Variants in PCBP3 observed in about 807,000 individuals in gnomAD.
The protein encoded by PCBP3 is poly(rC) binding protein 3.
In PCBP3, 25 loss-of-function variants were observed where a neutral mutation model predicts 52.7. The ratio of observed to expected loss-of-function variants is 0.47; its 90% CI spans 0.35 to 0.66. The LOEUF is 0.66. Ranked by LOEUF, PCBP3 falls within the 30% of genes least tolerant of loss-of-function variation. The pLI is 0.01. For synonymous variants in PCBP3, 162 were observed against 183.0 expected (o/e 0.89, Z 0.93); for missense variants, 391 against 490.3 (o/e 0.80, Z 1.91).
In PCBP3 at chr21:45,917,690, A is replaced by G; in HGVS notation, c.717+61A>G. On this transcript the variant is annotated intron_variant, in intron 13 of 17. Coordinates refer to ENST00000681687, the MANE Select transcript of PCBP3 (RefSeq NM_001384156.1). This position sits in a 1 kb window ranked among gnomAD's most constrained non-coding sequence, Gnocchi z 5.3. ...TTCTCATGGTTGTTTACCTACCTGC[A>G]TGCTGCTGTTAATTGCTACTAACAT... The G allele has an allele frequency of 1.6e-6, 2 of 1,272,672 alleles. No homozygotes were observed. The highest frequency in any genetic ancestry group is 2.3e-6 in the Non-Finnish European group (2 of 868,520). 78.8% of individuals were successfully genotyped at this position (1,272,672 alleles called of 1,614,324 possible).
Position 45,817,934 on chromosome 21 carries a change from C to T in PCBP3, c.-125-32027C>T, listed in dbSNP as rs1446643272. Among the ~76,000 whole-genome samples, 2 of 152,162 alleles carry T rather than the reference C, an allele frequency of 1.3e-5. No individual in the cohort carries two copies. The highest frequency in any genetic ancestry group is 6.5e-5 in the Admixed American group (1 of 15,282). Reference sequence around the variant, plus strand: ...AGAAAAATTATTGGAAAGTATAGAGCGTGCCACCTCCTCCCCTCATACAGA... The same window carrying T: ...AGAAAAATTATTGGAAAGTATAGAGTGTGCCACCTCCTCCCCTCATACAGA... On this transcript the variant is annotated intron_variant, in intron 4 of 17. Coordinates refer to ENST00000681687, the MANE Select transcript of PCBP3 (RefSeq NM_001384156.1). This position sits in a 1 kb window ranked among gnomAD's most constrained non-coding sequence, Gnocchi z 4.3.
At chr21:45,646,109 G>GTCTCTCTCTCTCTCTC (rs2079292926) in intron 1 of PCBP3, among the ~76,000 whole-genome samples, 3 of 70,212 alleles carry the variant, frequency 4.3e-5, no homozygotes, top group South Asian at 4.3e-4. Context: ...CTCTCTCTCT[G>GTCTCTCTCTCTCTCTC]TGTGTGTGTG....
intron 5 of PCBP3, among the ~76,000 whole-genome samples, chr21:45,856,049 A>T (rs1005147514): frequency 1.3e-5 from 2 of 152,198 alleles, no homozygotes; most frequent in Non-Finnish European, 2.9e-5. Context: ...AAATATGTTT[A>T]TTTGCCATAT....
At chr21:45,687,938 A>G (rs1436802032) in intron 2 of PCBP3, among the ~76,000 whole-genome samples, 1 of 152,072 alleles carries the variant, frequency 6.6e-6, no homozygotes, top group Admixed American at 6.5e-5. Flanking sequence ...TCACAGTGTT[A>G]GCCAGGATGG....
rs1305187638 is a variant in PCBP3, at chr21:45,741,379, A to G, written c.-162+5950A>G. Among the ~76,000 whole-genome samples, 4 of 152,188 alleles carry G rather than the reference A, an allele frequency of 2.6e-5. No individual in the cohort carries two copies. The highest frequency in any genetic ancestry group is 5.9e-5 in the Non-Finnish European group (4 of 68,014). ...AGGTGTGGGTACCAGGTGCACAGCC[A>G]GCGAGGGGAGTCCTGGAAAGTGGGG... is the stretch of plus-strand genomic sequence containing the variant. On this transcript the variant is annotated intron_variant, in intron 3 of 17. Coordinates refer to ENST00000681687, the MANE Select transcript of PCBP3 (RefSeq NM_001384156.1). This position sits in a 1 kb window ranked among gnomAD's most constrained non-coding sequence, Gnocchi z 4.5.
chr21:45,838,718 T>C (rs2093640434), intron 4 of PCBP3, among the ~76,000 whole-genome samples: 1 of 152,220 alleles, frequency 6.6e-6, no homozygotes, highest in Non-Finnish European at 1.5e-5. Flanking sequence ...TTATGATTAA[T>C]GACTAAATTT....
intron 13 of PCBP3, among the ~76,000 whole-genome samples, chr21:45,921,689 C>A (rs1236453359): frequency 1.3e-5 from 2 of 152,186 alleles, no homozygotes; most frequent in African/African-American, 4.8e-5. Flanking sequence ...CGTGGTGGCA[C>A]ACGCCTGTAG....
intron 6 of PCBP3, among the ~76,000 whole-genome samples, chr21:45,898,893 C>T (rs2095937005): frequency 6.7e-6 from 1 of 150,252 alleles, no homozygotes; most frequent in Non-Finnish European, 1.5e-5. Flanking sequence ...CACAGCCTTC[C>T]TCTTTTTCCA....
At chr21:45,815,965 GTGAGTGA>G (rs1188364876) in intron 4 of PCBP3, among the ~76,000 whole-genome samples, 19 of 123,910 alleles carry the variant, frequency 1.5e-4, no homozygotes, top group Admixed American at 5.3e-4. Flanking sequence ...GTGGTGAGTA[GTGAGTGA>G]TGAGTGGTGA....
chr21:45,894,817 C>T (rs1003558827), intron 5 of PCBP3, among the ~76,000 whole-genome samples: 1 of 152,206 alleles, frequency 6.6e-6, no homozygotes, highest in Non-Finnish European at 1.5e-5. Context: ...TCTTCGGAGC[C>T]CTTTGTGCTA....
intron 2 of PCBP3, among the ~76,000 whole-genome samples, chr21:45,687,212 T>TGTC (rs2082206367): frequency 6.6e-6 from 1 of 152,200 alleles, no homozygotes; most frequent in Admixed American, 6.5e-5. Context: ...AAAGAAAGAC[T>TGTC]GTCAACCTAT....
Position 45,664,200 on chromosome 21 carries a change from C to A in PCBP3, c.-278-4674C>A, listed in dbSNP as rs573350747. On this transcript the variant is annotated intron_variant, in intron 1 of 17. Coordinates refer to ENST00000681687, the MANE Select transcript of PCBP3 (RefSeq NM_001384156.1). The stretch of plus-strand genomic sequence containing the variant: ...ATCCTAAAAGAAGTCAGAAAGAAAT[C>A]ACATATATACAGAATAATAATAATA... Among the ~76,000 whole-genome samples, 328 of 109,664 alleles carry A rather than the reference C, an allele frequency of 3.0e-3. 2 individuals carry two copies. Among genetic ancestry groups the A allele is most frequent in the African/African-American group, 0.011 (313 of 28,956 alleles). The allele number at this position is 109,664 out of a possible 152,430, so 71.9% of individuals were successfully genotyped here. A position where few individuals can be genotyped will look rare whatever the true frequency, so the allele number is the denominator to read the frequency against.
chr21:45,657,529 C>T (rs566400841), intron 1 of PCBP3, among the ~76,000 whole-genome samples: 3 of 152,234 alleles, frequency 2.0e-5, no homozygotes, highest in East Asian at 3.9e-4. Flanking sequence ...ATGCCAGCAG[C>T]ACACAGTCTT....
At chr21:45,838,575 A>C (rs901787894) in intron 4 of PCBP3, among the ~76,000 whole-genome samples, 10 of 152,292 alleles carry the variant, frequency 6.6e-5, no homozygotes, top group African/African-American at 2.4e-4. Context: ...TTTAAATCAT[A>C]TTTAAGATTA....
At chr21:45,731,309 G>A (rs775953282) in intron 2 of PCBP3, among the ~76,000 whole-genome samples, 1 of 152,186 alleles carries the variant, frequency 6.6e-6, no homozygotes, top group East Asian at 1.9e-4. Flanking sequence ...CCAAAGCAAC[G>A]CCTCCCTGAA....
intron 4 of PCBP3, among the ~76,000 whole-genome samples, chr21:45,809,523 C>T (rs534340606): frequency 1.3e-5 from 2 of 152,300 alleles, no homozygotes; most frequent in East Asian, 1.9e-4. Context: ...GCCTGTCAGC[C>T]TGGGCCGGCT....
chr21:45,936,763 G>A (rs575044435), intron 16 of PCBP3, among the ~76,000 whole-genome samples: 2 of 152,230 alleles, frequency 1.3e-5, no homozygotes, highest in South Asian at 4.1e-4. Context: ...ATGGAAATGA[G>A]CTTTAAGAGA....
chr21:45,806,071 C>T (rs2092488342), intron 4 of PCBP3, among the ~76,000 whole-genome samples: 1 of 152,216 alleles, frequency 6.6e-6, no homozygotes, highest in Non-Finnish European at 1.5e-5. Context: ...TCATTGCTGC[C>T]TCCAGGGTTA....
At chr21:45,668,295 A>G (rs984044914) in intron 1 of PCBP3, among the ~76,000 whole-genome samples, 3 of 152,070 alleles carry the variant, frequency 2.0e-5, no homozygotes, top group Non-Finnish European at 2.9e-5. Context: ...TTAATATATT[A>G]TTTGTTCCAA....
Sources: gnomAD v4.1 joint callset for allele counts (sites outside exome capture counted in the v4.1 genomes callset) on GRCh38, gnomAD v4.1.1 for gene constraint, Gnocchi (gnomAD v3.1) non-coding constraint, MANE v1.5 for transcripts, NCBI Gene and HGNC (gene_info 2026-07-23, HGNC 2026-07-21) for gene names.